Variants in NRIP1 observed in about 807,000 individuals in gnomAD.
NRIP1 encodes the protein nuclear receptor interacting protein 1, also known as nuclear receptor-interacting protein 1.
In NRIP1, 28 loss-of-function variants were observed where a neutral mutation model predicts 75.0. The observed-to-expected ratio is 0.37, with a 90% CI of 0.28 to 0.51. The LOEUF (loss-of-function observed/expected upper bound fraction) is 0.51, where lower values mean the gene tolerates loss of function less well. NRIP1 is among the 20% of genes least tolerant of loss of function. NRIP1 has a pLI of 0.92. For synonymous variants in NRIP1, 526 were observed against 487.6 expected, an observed-to-expected ratio of 1.08 and a Z score of -1.04; for missense variants, 1,435 against 1,343.7, an observed-to-expected ratio of 1.07 and a Z score of -1.06.
intron 2 of NRIP1, among the ~76,000 whole-genome samples, chr21:15,017,812 A>G (rs1225042650): frequency 1.3e-5 from 2 of 152,240 alleles, no homozygotes; most frequent in Admixed American, 6.5e-5. Flanking sequence ...TAAAAAGTTA[A>G]AAGTATTCCG....
At chr21:14,992,854 A>G (rs1223524126) in intron 3 of NRIP1, 1 of 152,316 alleles carries the variant, frequency 6.6e-6, no homozygotes, top group African/African-American at 2.4e-5. Context: ...CATAACTAGC[A>G]AAGTGGAAGA....
chr21:15,025,008 T>C (rs1383049771), intron 2 of NRIP1, among the ~76,000 whole-genome samples: 1 of 152,012 alleles, frequency 6.6e-6, no homozygotes, highest in Non-Finnish European at 1.5e-5. Context: ...TGGTTTGAGG[T>C]GAGCAGGATG....
At chr21:15,015,105 C>A (rs1478441819) in intron 2 of NRIP1, among the ~76,000 whole-genome samples, 2 of 152,120 alleles carry the variant, frequency 1.3e-5, no homozygotes, top group Non-Finnish European at 2.9e-5. Context: ...ACACACAACA[C>A]ATACGGAAAA....
intron 1 of NRIP1, among the ~76,000 whole-genome samples, chr21:15,043,975 C>T (rs779952733): frequency 5.9e-5 from 9 of 152,198 alleles, no homozygotes; most frequent in South Asian, 2.1e-4. Flanking sequence ...CCCAGCACCA[C>T]GCCCGGCTAG....
intron 2 of NRIP1, among the ~76,000 whole-genome samples, chr21:15,021,356 T>G (rs1479280408): frequency 1.3e-5 from 2 of 152,202 alleles, no homozygotes; most frequent in Non-Finnish European, 2.9e-5. Flanking sequence ...ATGAAATGTC[T>G]TAAAAAGCTG....
At chr21:14,980,826 G>A (rs2087214378) in intron 3 of NRIP1, among the ~76,000 whole-genome samples, 1 of 151,948 alleles carries the variant, frequency 6.6e-6, no homozygotes, top group South Asian at 2.1e-4. Context: ...AAATACCTTT[G>A]CATGAAAATA....
intron 1 of NRIP1, among the ~76,000 whole-genome samples, chr21:15,046,386 C>T (rs922937710): frequency 2.6e-5 from 4 of 152,134 alleles, no homozygotes; most frequent in African/African-American, 4.8e-5. Flanking sequence ...AGTAATATTT[C>T]GATAGGAATC....
chr21:14,997,498 A>C (rs2087757355), intron 3 of NRIP1, among the ~76,000 whole-genome samples: 1 of 151,940 alleles, frequency 6.6e-6, no homozygotes, highest in Non-Finnish European at 1.5e-5. Context: ...AAAAACTGAG[A>C]ATAAATTAAT....
At chr21:14,969,435 A>G (rs1231161204) in intron 3 of NRIP1, among the ~76,000 whole-genome samples, 1 of 152,228 alleles carries the variant, frequency 6.6e-6, no homozygotes, top group Non-Finnish European at 1.5e-5. Flanking sequence ...TATTCCAATG[A>G]TATTTATTAT....
chr21:15,064,280 C>T (rs1417682451), intron 1 of NRIP1, among the ~76,000 whole-genome samples: 1 of 152,232 alleles, frequency 6.6e-6, no homozygotes, highest in East Asian at 1.9e-4. Context: ...TTCACTTTCC[C>T]AGCCGGGTAT....
At chr21:14,993,517 A>G (rs2087629547) in intron 3 of NRIP1, among the ~76,000 whole-genome samples, 1 of 152,212 alleles carries the variant, frequency 6.6e-6, no homozygotes, top group South Asian at 2.1e-4. Context: ...AATGTGTCTG[A>G]GCCTCAGTTT....
intron 3 of NRIP1, among the ~76,000 whole-genome samples, chr21:14,999,782 G>GT (rs2087811068): frequency 6.6e-6 from 1 of 152,176 alleles, no homozygotes; most frequent in African/African-American, 2.4e-5. Context: ...ACTTAGGGAA[G>GT]TATCACCCAC....
intron 2 of NRIP1, among the ~76,000 whole-genome samples, chr21:15,035,438 G>T (rs1020847720): frequency 2.0e-5 from 3 of 151,884 alleles, no homozygotes; most frequent in South Asian, 4.1e-4. Flanking sequence ...AATAAAGTCT[G>T]TATAATTCTC....
intron 2 of NRIP1, among the ~76,000 whole-genome samples, chr21:15,038,588 A>C (rs1483625695): frequency 1.3e-5 from 2 of 152,198 alleles, no homozygotes; most frequent in South Asian, 2.1e-4. Context: ...CCATAATAAT[A>C]AACCCTATTT....
intron 3 of NRIP1, among the ~76,000 whole-genome samples, chr21:15,001,553 A>G (rs1274869387): frequency 6.6e-6 from 1 of 152,012 alleles, no homozygotes; most frequent in Non-Finnish European, 1.5e-5. Context: ...TTGAGTAACA[A>G]TCACAGAATT....
chr21:15,042,729 C>A (rs2088985632), intron 2 of NRIP1, among the ~76,000 whole-genome samples: 1 of 152,224 alleles, frequency 6.6e-6, no homozygotes, highest in Non-Finnish European at 1.5e-5. Context: ...TGGTCTTGGA[C>A]TTCCCAGCCT....
chr21:15,056,370 G>T (rs2089307133), intron 1 of NRIP1, among the ~76,000 whole-genome samples: 1 of 151,594 alleles, frequency 6.6e-6, no homozygotes, highest in South Asian at 2.1e-4. Context: ...TAGATTTTTA[G>T]CAATACAGTT....
At chr21:15,016,389 G>T (rs532623562) in intron 2 of NRIP1, among the ~76,000 whole-genome samples, 3 of 152,166 alleles carry the variant, frequency 2.0e-5, no homozygotes, top group African/African-American at 7.2e-5. Context: ...TAGGGACCTC[G>T]GGAATTTCTG....
intron 3 of NRIP1, among the ~76,000 whole-genome samples, chr21:15,001,696 G>A (rs190769159): frequency 7.9e-5 from 12 of 151,032 alleles, no homozygotes; most frequent in Admixed American, 7.2e-4. Context: ...AGTTCAAGGT[G>A]GTGTAGTGGC....
Sources: gnomAD v4.1 joint callset for allele counts (sites outside exome capture counted in the v4.1 genomes callset) on GRCh38, gnomAD v4.1.1 for gene constraint, MANE v1.5 for transcripts, NCBI Gene and HGNC (gene_info 2026-07-23, HGNC 2026-07-21) for gene names.